PCMT1: variants seen among roughly 807,000 people sequenced by gnomAD.
PCMT1 encodes protein-L-isoaspartate(D-aspartate) O-methyltransferase.
PCMT1 carries 9 observed loss-of-function variants against 29.2 expected under a neutral mutation model. That is an observed-to-expected ratio of 0.31 (90% CI 0.19 to 0.54). The LOEUF (loss-of-function observed/expected upper bound fraction) is 0.54, where lower values mean the gene tolerates loss of function less well. Among genes scored for constraint, PCMT1 ranks in the 20% least tolerant of loss-of-function variants. PCMT1 has a pLI of 0.95. For missense variants in PCMT1, 184 were observed against 282.2 expected (o/e 0.65, Z 2.49); for synonymous variants, 98 against 97.5 (o/e 1.00, Z -0.03).
chr6:149,805,096 G>C (rs1775967023), intron 7 of PCMT1, among the ~76,000 whole-genome samples: 1 of 152,078 alleles, frequency 6.6e-6, no homozygotes, highest in African/African-American at 2.4e-5. Flanking sequence ...TTAAGAACTA[G>C]CCAGGCGTAG....
At chr6:149,801,470 C>T (rs951771147) in intron 6 of PCMT1, among the ~76,000 whole-genome samples, 5 of 152,120 alleles carry the variant, frequency 3.3e-5, no homozygotes, top group African/African-American at 1.2e-4. Context: ...ATTTTTAAGA[C>T]GGAGTCTCGC....
intron 3 of PCMT1, among the ~76,000 whole-genome samples, chr6:149,779,138 T>A (rs1204466643): frequency 6.6e-6 from 1 of 152,130 alleles, no homozygotes. Context: ...TGTTCCATCG[T>A]TTTACATTCC....
At chr6:149,761,686 A>G (rs1463794246) in intron 1 of PCMT1, among the ~76,000 whole-genome samples, 1 of 152,136 alleles carries the variant, frequency 6.6e-6, no homozygotes, top group Non-Finnish European at 1.5e-5. Flanking sequence ...TTCTTGTTCC[A>G]TAATTTATAA....
Position 149,790,047 on chromosome 6 carries a change from T to G in PCMT1, c.286T>G (p.Phe96Val), listed in dbSNP as rs753788944. ...GSGSGILTACFARMVGCTGKV... is the reference protein window; with the variant it reads ...GSGSGILTACVARMVGCTGKV... ...TGGAAGTGGAATCCTTACTGCATGT[T>G]TTGCACGTATGGTAAGAGTTTTATT... The change falls in exon 4 of 8, where the codon TTT becomes GTT. Residue 96 changes from phenylalanine to valine, a missense_variant. Physicochemically the swap from Phe to Val is conservative, Grantham distance 50. Coordinates refer to ENST00000464889, the MANE Select transcript of PCMT1 (RefSeq NM_001360452.2). The G allele has an allele frequency of 1.7e-5, 27 of 1,595,292 alleles. No individual in the cohort carries two copies. The East Asian group carries it at 4.2e-4, about 25-fold the overall frequency.
intron 7 of PCMT1, among the ~76,000 whole-genome samples, chr6:149,809,258 C>CAAGA (rs1776096668): frequency 4.2e-5 from 2 of 47,092 alleles, no homozygotes; most frequent in East Asian, 6.7e-4. Context: ...GACTCTGTCT[C>CAAGA]AAAAAAAAAA....
At chr6:149,795,567 A>G in intron 5 of PCMT1, 1 of 521,500 alleles carries the variant, frequency 1.9e-6, no homozygotes, top group Admixed American at 2.5e-5. Flanking sequence ...ACACAACTTT[A>G]CACAACCCAA....
intron 1 of PCMT1, among the ~76,000 whole-genome samples, chr6:149,763,620 A>C (rs1786954687): frequency 6.6e-6 from 1 of 152,130 alleles, no homozygotes; most frequent in African/African-American, 2.4e-5. Context: ...TATATTATCG[A>C]GCTTGAAGGA....
rs1046192022 is a variant in PCMT1, at chr6:149,794,624, CAAATA to C, written c.418+968_418+972del. ...AGAGCTAGAGTCCGTCTCAAAAAAA[CAAATA>C]AAATAAAATAAAGGCCCGGGCAGCT... On this transcript the variant is annotated intron_variant, in intron 5 of 7. Transcript: ENST00000464889. 7.3e-5 allele frequency: 19 copies of C among 259,346 alleles called. No individual in the cohort carries two copies. In the East Asian group the frequency reaches 1.3e-3, roughly 18 times the overall value. 16.1% of individuals were successfully genotyped at this position (259,346 alleles called of 1,614,324 possible).
intron 1 of PCMT1, among the ~76,000 whole-genome samples, chr6:149,767,291 C>T (rs1256271163): frequency 6.7e-6 from 1 of 150,340 alleles, no homozygotes; most frequent in Non-Finnish European, 1.5e-5. Flanking sequence ...TCAACTCAGG[C>T]TCAAGTGATC....
chr6:149,793,469 T>C, intron 4 of PCMT1, 80 bp from the exon 5 acceptor site: 1 of 1,276,774 alleles, frequency 7.8e-7, no homozygotes, highest in Non-Finnish European at 1.0e-6. Context: ...AATATGACTT[T>C]CGATAAGGAA....
chr6:149,792,329 G>T (rs1788405577), intron 4 of PCMT1, among the ~76,000 whole-genome samples: 1 of 151,974 alleles, frequency 6.6e-6, no homozygotes, highest in African/African-American at 2.4e-5. Context: ...AAAAAAGAAG[G>T]AACGGTTAAC....
chr6:149,791,646 C>T (rs530061428), intron 4 of PCMT1, among the ~76,000 whole-genome samples: 1 of 152,254 alleles, frequency 6.6e-6, no homozygotes, highest in African/African-American at 2.4e-5. Flanking sequence ...ATGATGGTAT[C>T]CTAAACATCT....
chr6:149,750,652 G>C (rs1010889772), intron 1 of PCMT1, among the ~76,000 whole-genome samples: 6 of 152,132 alleles, frequency 3.9e-5, no homozygotes, highest in Non-Finnish European at 8.8e-5. Context: ...ATCAGCAGAG[G>C]GTTGTGTGTC....
chr6:149,758,099 G>A (rs1031868846), intron 1 of PCMT1, among the ~76,000 whole-genome samples: 3 of 151,630 alleles, frequency 2.0e-5, no homozygotes, highest in Middle Eastern at 3.5e-3. Context: ...GGCCAGGATG[G>A]CCTCAAACTC....
At position 149,785,455 on chromosome 6, in the gene PCMT1, A is replaced by G. The variant is rs1220751794; in HGVS notation, c.193-4499A>G. On this transcript the variant is annotated intron_variant, in intron 3 of 7. Coordinates refer to ENST00000464889, the MANE Select transcript of PCMT1 (RefSeq NM_001360452.2). ...GATCATTCTTGGGTGTTTCTCGCAGAGGGGGATTTGGCAGGGTCATAGGAC... is the reference window on the plus strand; with the variant it reads ...GATCATTCTTGGGTGTTTCTCGCAGGGGGGGATTTGGCAGGGTCATAGGAC... Among the ~76,000 whole-genome samples the G allele has an allele frequency of 1.3e-4, 19 of 140,820 alleles. No individual in the cohort carries two copies. The South Asian group carries it at 4.2e-3, about 31-fold the overall frequency. The allele number at this position is 140,820 out of a possible 152,430, so 92.4% of individuals were successfully genotyped here. A position where few individuals can be genotyped will look rare whatever the true frequency, so the allele number is the denominator to read the frequency against.
At chr6:149,788,140 A>C (rs547102503) in intron 3 of PCMT1, among the ~76,000 whole-genome samples, 6 of 151,614 alleles carry the variant, frequency 4.0e-5, no homozygotes, top group Non-Finnish European at 8.8e-5. Flanking sequence ...GATGGTCTCG[A>C]TCTCCTGACC....
At chr6:149,802,667 T>G (rs1583059496) in intron 7 of PCMT1, 2 of 254,150 alleles carry the variant, frequency 7.9e-6, no homozygotes, top group East Asian at 1.8e-4. Flanking sequence ...ATTCAGTACT[T>G]TGTAAGGATT....
chr6:149,779,555 A>G (rs957155944), intron 3 of PCMT1, among the ~76,000 whole-genome samples: 3 of 152,152 alleles, frequency 2.0e-5, no homozygotes, highest in Non-Finnish European at 4.4e-5. Context: ...CATGCCTGTA[A>G]CCCTAGCACT....
intron 6 of PCMT1, among the ~76,000 whole-genome samples, chr6:149,801,974 C>CA (rs1365505331): frequency 1.3e-4 from 20 of 151,838 alleles, no homozygotes; most frequent in African/African-American, 4.6e-4. Context: ...ACTAAAAATA[C>CA]AAAAATTAGC....
Sources: gnomAD v4.1 joint callset for allele counts (sites outside exome capture counted in the v4.1 genomes callset) on GRCh38, gnomAD v4.1.1 for gene constraint, MANE v1.5 for transcripts, NCBI Gene and HGNC (gene_info 2026-07-23, HGNC 2026-07-21) for gene names.